XPR1: variants seen among roughly 807,000 people sequenced by gnomAD.
The protein encoded by XPR1 is solute carrier family 53 member 1.
Under a neutral mutation model 87.5 loss-of-function variants are expected in XPR1, and 28 were observed. The observed-to-expected ratio is 0.32, with a 90% CI of 0.24 to 0.44. XPR1 has a LOEUF of 0.44. XPR1 is among the 20% of genes least tolerant of loss of function. The pLI is 1.00. For synonymous variants in XPR1, 300 were observed against 306.1 expected, an observed-to-expected ratio of 0.98 and a Z score of 0.21; for missense variants, 559 against 862.3, an observed-to-expected ratio of 0.65 and a Z score of 4.41.
chr1:180,661,745 C>T (rs956067092), intron 1 of XPR1, among the ~76,000 whole-genome samples: 7 of 151,966 alleles, frequency 4.6e-5, no homozygotes, highest in South Asian at 2.1e-4. Flanking sequence ...CATGGTGGCA[C>T]GTACCTGTAG....
intron 2 of XPR1, among the ~76,000 whole-genome samples, chr1:180,773,263 G>A (rs61811195): frequency 2.6e-5 from 4 of 152,194 alleles, no homozygotes; most frequent in East Asian, 1.9e-4. Flanking sequence ...ATGTTCAGAC[G>A]GGAGAACAAA....
chr1:180,797,107 A>AATT (rs1173855373), intron 3 of XPR1, among the ~76,000 whole-genome samples: 2 of 152,190 alleles, frequency 1.3e-5, no homozygotes, highest in Non-Finnish European at 2.9e-5. Context: ...ACAACTCTAT[A>AATT]AATTTACTGA....
At chr1:180,854,076 A>G (rs1189380672) in intron 11 of XPR1, among the ~76,000 whole-genome samples, 2 of 152,202 alleles carry the variant, frequency 1.3e-5, no homozygotes. Context: ...AAGGCAAGGA[A>G]AGTTTAATAG....
At chr1:180,786,156 G>C (rs1571836715) in intron 2 of XPR1, among the ~76,000 whole-genome samples, 1 of 152,032 alleles carries the variant, frequency 6.6e-6, no homozygotes. Flanking sequence ...AGAGAAGCAG[G>C]TATGTGTAAA....
intron 2 of XPR1, among the ~76,000 whole-genome samples, chr1:180,737,825 A>G (rs1253808123): frequency 6.6e-6 from 1 of 152,106 alleles, no homozygotes; most frequent in African/African-American, 2.4e-5. Flanking sequence ...CCGTTGCATA[A>G]TGGATATACC....
intron 6 of XPR1, among the ~76,000 whole-genome samples, chr1:180,808,152 A>G (rs994061400): frequency 2.0e-5 from 3 of 152,208 alleles, no homozygotes; most frequent in African/African-American, 4.8e-5. Context: ...CAAATGATCA[A>G]TGGACCAGAA....
At position 180,751,698 on chromosome 1, in the gene XPR1, T is replaced by TA. The variant is rs56982175; in HGVS notation, c.122-36054dup. Among the ~76,000 whole-genome samples the TA allele has an allele frequency of 2.0e-4, 30 of 152,248 alleles. 2 individuals are homozygous for TA. The East Asian group carries it at 5.4e-3, about 27-fold the overall frequency. On this transcript the variant is annotated intron_variant, in intron 2 of 14. Transcript: ENST00000367590. ...TTCCATACTTGTCACAGTGCATACT[T>TA]ACTGGAAAATCAAATACAGGTCACT...
chr1:180,866,655 C>T (rs1477249724), intron 12 of XPR1, among the ~76,000 whole-genome samples: 2 of 152,002 alleles, frequency 1.3e-5, no homozygotes, highest in Admixed American at 6.6e-5. Flanking sequence ...CACTATATTG[C>T]GAGGAAGGAG....
intron 1 of XPR1, among the ~76,000 whole-genome samples, chr1:180,656,613 AATATATTTTAT>A (rs1655532865): frequency 3.0e-5 from 2 of 66,794 alleles, no homozygotes; most frequent in African/African-American, 1.3e-4. Flanking sequence ...ATGTATGTAT[AATATATTTTAT>A]ATATGTATGT....
At chr1:180,661,159 G>A (rs188074326) in intron 1 of XPR1, among the ~76,000 whole-genome samples, 67 of 151,686 alleles carry the variant, frequency 4.4e-4, no homozygotes, top group African/African-American at 1.5e-3. Context: ...TGTATTTTCT[G>A]TAGCTACTCC....
At chr1:180,632,337 C>CGCCGCCTTCCGCTTCA (rs1192809798) in intron 1 of XPR1, 67 bp downstream of exon 1, 24 of 1,541,700 alleles carry the variant, frequency 1.6e-5, no homozygotes, top group Non-Finnish European at 1.7e-5. Flanking sequence ...TGACGTCCAC[C>CGCCGCCTTCCGCTTCA]GCCGCCTTCC....
intron 7 of XPR1, among the ~76,000 whole-genome samples, chr1:180,812,717 C>T (rs538811417): frequency 1.4e-4 from 21 of 150,228 alleles, no homozygotes; most frequent in African/African-American, 5.2e-4. Flanking sequence ...GGTCCGATCT[C>T]GGCTCACTGC....
chr1:180,654,099 T>C lies in XPR1; in HGVS notation c.69+21829T>C, dbSNP rs561936321. On this transcript the variant is annotated intron_variant, in intron 1 of 14. Transcript: ENST00000367590. ...AAAGAATTATAAGTTTCTGTTAAAG[T>C]AGTGTGTTTAAAATATTCAGAACAT... Among the ~76,000 whole-genome samples the C allele has an allele frequency of 2.0e-5, 3 of 152,300 alleles. No individual in the cohort carries two copies. The South Asian group carries it at 6.2e-4, about 32-fold the overall frequency.
At chr1:180,683,607 C>A (rs1041595482) in intron 2 of XPR1, among the ~76,000 whole-genome samples, 8 of 152,170 alleles carry the variant, frequency 5.3e-5, no homozygotes, top group South Asian at 2.1e-4. Flanking sequence ...TCCTATTTCT[C>A]CACATCCTCT....
chr1:180,637,063 AAAAAAAAAG>A, intron 1 of XPR1, among the ~76,000 whole-genome samples: 1 of 146,938 alleles, frequency 6.8e-6, no homozygotes, highest in African/African-American at 2.7e-5. Context: ...AAAAAAAAAA[AAAAAAAAAG>A]GAAAAGTAAG....
intron 2 of XPR1, among the ~76,000 whole-genome samples, chr1:180,699,098 T>G (rs1320783661): frequency 6.6e-6 from 1 of 152,190 alleles, no homozygotes; most frequent in Non-Finnish European, 1.5e-5. Context: ...AATAGGCTTT[T>G]TATATCTTTA....
chr1:180,679,707 G>A (rs1466801729), intron 1 of XPR1, among the ~76,000 whole-genome samples: 2 of 151,952 alleles, frequency 1.3e-5, no homozygotes, highest in African/African-American at 4.8e-5. Context: ...GTGGTTTTGG[G>A]GGAAAAAACA....
rs780445982 is a variant in XPR1 at position 180,835,051 on chromosome 1, G to T, written c.1306+6G>T. On this transcript the variant is annotated splice_donor_region_variant and intron_variant, in intron 10 of 14. Transcript: ENST00000367590. The stretch of plus-strand genomic sequence containing the variant: ...GTTGCCAAATAATTCAGAAGGTAGG[G>T]TATGAATTTGCATCTATACTACTAA... The T allele has an allele frequency of 1.9e-6, 3 of 1,613,258 alleles. No individual in the cohort carries two copies. Among genetic ancestry groups the T allele is most frequent in the East Asian group, 2.2e-5 (1 of 44,852 alleles).
At chr1:180,779,535 A>T (rs1156764222) in intron 2 of XPR1, among the ~76,000 whole-genome samples, 2 of 152,108 alleles carry the variant, frequency 1.3e-5, no homozygotes, top group Non-Finnish European at 2.9e-5. Context: ...CAGGTAGATC[A>T]CCTGAGGTCA....
Sources: gnomAD v4.1 joint callset for allele counts (sites outside exome capture counted in the v4.1 genomes callset) on GRCh38, gnomAD v4.1.1 for gene constraint, MANE v1.5 for transcripts, NCBI Gene and HGNC (gene_info 2026-07-23, HGNC 2026-07-21) for gene names.